ALPK2: variants seen among roughly 807,000 people sequenced by gnomAD.
The protein encoded by ALPK2 is alpha-protein kinase 2.
ALPK2 carries 127 observed loss-of-function variants against 163.1 expected under a neutral mutation model. That is an observed-to-expected ratio of 0.78 (90% confidence interval 0.67 to 0.90). ALPK2 has a LOEUF of 0.90. Ranked by LOEUF, ALPK2 falls within the 40% of genes least tolerant of loss-of-function variation. The pLI is 0.00. For synonymous variants in ALPK2, 953 were observed against 959.1 expected (o/e 0.99, Z 0.12); for missense variants, 2,360 against 2,589.6 (o/e 0.91, Z 1.92).
At chr18:58,603,857 G>C (rs1014804476) in intron 3 of ALPK2, among the ~76,000 whole-genome samples, 1 of 152,048 alleles carries the variant, frequency 6.6e-6, no homozygotes, top group Non-Finnish European at 1.5e-5. Flanking sequence ...ACCATAATGT[G>C]ATTATTGATG....
chr18:58,550,903 A>G (rs1354555227), intron 4 of ALPK2, among the ~76,000 whole-genome samples: 21 of 146,476 alleles, frequency 1.4e-4, no homozygotes, highest in African/African-American at 4.3e-4. Flanking sequence ...CCCCACCTCC[A>G]TCACATGCAA....
At chr18:58,616,758 C>T (rs908793071) in intron 1 of ALPK2, among the ~76,000 whole-genome samples, 16 of 152,294 alleles carry the variant, frequency 1.1e-4, no homozygotes, top group Admixed American at 1.0e-3. Context: ...TTAAAATAAC[C>T]TTTGTAATAA....
chr18:58,483,268 A>G (rs2051320899), intron 12 of ALPK2, among the ~76,000 whole-genome samples: 1 of 152,154 alleles, frequency 6.6e-6, no homozygotes, highest in Non-Finnish European at 1.5e-5. Context: ...CTCCCCATCA[A>G]TGCATTCTCC....
intron 10 of ALPK2, among the ~76,000 whole-genome samples, chr18:58,507,113 AT>A (rs1013360722): frequency 2.6e-5 from 4 of 151,822 alleles, no homozygotes; most frequent in South Asian, 2.1e-4. Flanking sequence ...ATGTTCATTA[AT>A]TTTTTTTTAG....
chr18:58,488,750 G>A (rs1435476538), intron 12 of ALPK2, among the ~76,000 whole-genome samples: 2 of 151,912 alleles, frequency 1.3e-5, no homozygotes, highest in South Asian at 2.1e-4. Context: ...TCAGGATGGG[G>A]GTGAAGAATT....
At chr18:58,508,883 CT>C (rs35383309) in intron 10 of ALPK2, among the ~76,000 whole-genome samples, 49,254 of 148,682 alleles carry the variant, frequency 0.33, 8,453 homozygotes, top group South Asian at 0.52. Context: ...ATAATAAACT[CT>C]TTTTTTTTTT....
intron 11 of ALPK2, among the ~76,000 whole-genome samples, chr18:58,500,639 A>G (rs2051426994): frequency 6.6e-6 from 1 of 152,196 alleles, no homozygotes; most frequent in South Asian, 2.1e-4. Context: ...TTCATTCTCC[A>G]CTTGGCTGGG....
chr18:58,579,059 G>A lies in ALPK2; in HGVS notation c.1717C>T (p.Pro573Ser). The change falls in exon 4 of 13, where the codon CCC (proline) becomes TCC (serine). Residue 573 changes from proline (P) to serine (S), a missense_variant. Coordinates refer to ENST00000361673, the MANE Select transcript of ALPK2 (RefSeq NM_052947.4). ...HLCSAKESAE[P>S]PLTQSDKRET... ...CTTTTATCACTCTGGGTTAGTGGGG[G>A]CTCAGCAGATTCTTTGGCAGAGCAG... The A allele has an allele frequency of 6.2e-7, 1 of 1,614,208 alleles. No individual in the cohort carries two copies. The highest frequency in any genetic ancestry group is 8.5e-7 in the Non-Finnish European group (1 of 1,180,048).
At chr18:58,508,229 C>A (rs1333761178) in intron 10 of ALPK2, among the ~76,000 whole-genome samples, 1 of 151,874 alleles carries the variant, frequency 6.6e-6, no homozygotes, top group Non-Finnish European at 1.5e-5. Flanking sequence ...AACAAACAAA[C>A]AACAAAAAAA....
At chr18:58,572,916 C>T (rs1243336281) in intron 4 of ALPK2, among the ~76,000 whole-genome samples, 1 of 152,164 alleles carries the variant, frequency 6.6e-6, no homozygotes, top group African/African-American at 2.4e-5. Flanking sequence ...TGTCAATATC[C>T]TGGTTATGAC....
At chr18:58,524,166 T>A (rs2051572118) in intron 6 of ALPK2, 104 bp from the exon 7 acceptor site, 1 of 1,460,038 alleles carries the variant, frequency 6.8e-7, no homozygotes, top group Non-Finnish European at 9.1e-7. Flanking sequence ...TGCTCACATG[T>A]TTTCAGCCAG....
At chr18:58,541,030 G>A (rs550152651) in intron 4 of ALPK2, among the ~76,000 whole-genome samples, 3 of 152,292 alleles carry the variant, frequency 2.0e-5, no homozygotes, top group East Asian at 3.9e-4. Context: ...GTATCATGCC[G>A]TGATTTACAA....
At chr18:58,528,145 G>T (rs2051593322) in intron 6 of ALPK2, among the ~76,000 whole-genome samples, 1 of 152,216 alleles carries the variant, frequency 6.6e-6, no homozygotes, top group Non-Finnish European at 1.5e-5. Context: ...AGCTGCTTAA[G>T]GAAGCCAGTA....
chr18:58,486,172 C>T (rs1027765685), intron 12 of ALPK2, among the ~76,000 whole-genome samples: 1 of 152,234 alleles, frequency 6.6e-6, no homozygotes, highest in Admixed American at 6.5e-5. Context: ...CCTTCTCCAC[C>T]TCCACTTAAC....
At chr18:58,515,911 G>A (rs72933239) in intron 9 of ALPK2, among the ~76,000 whole-genome samples, 83 of 152,308 alleles carry the variant, frequency 5.4e-4, no homozygotes, top group Admixed American at 9.2e-4. Flanking sequence ...ACCAGTGCCG[G>A]TGTAAACAGT....
chr18:58,569,583 A>G (rs146435824), intron 4 of ALPK2, among the ~76,000 whole-genome samples: 5 of 152,326 alleles, frequency 3.3e-5, no homozygotes, highest in African/African-American at 7.2e-5. Flanking sequence ...TCCGCGGACT[A>G]CACCAAGAGT....
intron 4 of ALPK2, among the ~76,000 whole-genome samples, chr18:58,557,553 C>T (rs1306499119): frequency 6.6e-6 from 1 of 151,966 alleles, no homozygotes; most frequent in Non-Finnish European, 1.5e-5. Flanking sequence ...ACTTCCTGCT[C>T]AATTTCTCTG....
intron 8 of ALPK2, among the ~76,000 whole-genome samples, chr18:58,521,623 C>CTTTTTTTTT (rs1568073274): frequency 5.5e-5 from 3 of 54,420 alleles, no homozygotes; most frequent in Non-Finnish European, 1.2e-4. Flanking sequence ...TTCTTTCTCT[C>CTTTTTTTTT]TCTCTTTTTT....
intron 1 of ALPK2, among the ~76,000 whole-genome samples, chr18:58,619,988 C>T (rs2052189713): frequency 6.6e-6 from 1 of 152,164 alleles, no homozygotes; most frequent in Non-Finnish European, 1.5e-5. Context: ...TGAGCAATAA[C>T]AAAGAACAAA....
Sources: gnomAD v4.1 joint callset for allele counts (sites outside exome capture counted in the v4.1 genomes callset) on GRCh38, gnomAD v4.1.1 for gene constraint, MANE v1.5 for transcripts, NCBI Gene and HGNC (gene_info 2026-07-23, HGNC 2026-07-21) for gene names.